Variants in SMARCE1 observed in about 807,000 individuals in gnomAD.
The protein encoded by SMARCE1 is SWI/SNF related BAF chromatin remodeling complex subunit E1, also known as SWI/SNF-related matrix-associated actin-dependent regulator of chromatin subfamily E member 1.
Under a neutral mutation model 54.9 loss-of-function variants are expected in SMARCE1, and 13 were observed. That is an observed-to-expected ratio of 0.24 (90% confidence interval 0.15 to 0.38). The LOEUF (loss-of-function observed/expected upper bound fraction) is 0.38, where lower values mean the gene tolerates loss of function less well. Among genes scored for constraint, SMARCE1 ranks in the 10% least tolerant of loss-of-function variants. The pLI is 1.00. For missense variants in SMARCE1, 295 were observed against 523.8 expected (o/e 0.56, Z 4.26); for synonymous variants, 151 against 175.3 (o/e 0.86, Z 1.10).
Position 40,642,701 on chromosome 17 carries a change from T to G in SMARCE1, c.52-142A>C, listed in dbSNP as rs1397018703. The G allele has an allele frequency of 5.1e-6, 3 of 587,034 alleles. No homozygotes were observed. The highest frequency in any genetic ancestry group is 9.0e-6 in the Non-Finnish European group (3 of 333,486). 36.4% of individuals were successfully genotyped at this position (587,034 alleles called of 1,614,324 possible). ...AATGATGTGTTGTAATTGTTCTTTT[T>G]TTCCACTGAGGAAATTAAATATTTT... On this transcript the variant is annotated intron_variant, in intron 3 of 10. Coordinates refer to ENST00000348513, the MANE Select transcript of SMARCE1 (RefSeq NM_003079.5). The surrounding 1 kb of genome is among the most constrained non-coding windows in gnomAD (Gnocchi z 4.6).
Position 40,628,979 on chromosome 17 carries a change from C to T in SMARCE1, c.1042G>A (p.Glu348Lys), listed in dbSNP as rs754993965. Residue 348 changes from glutamate to lysine, a missense_variant, in exon 11 of 11, where the codon GAA becomes AAA. Around this residue, in one of 5 missense-constraint regions of SMARCE1, gnomAD observed 147 missense variants for 161.4 expected, o/e 0.91. Transcript: ENST00000348513. ...TTCTGTTGGCTCTCTGTTGTTTCTT[C>T]AAGGTGTGTCTCCTCTGTAATCACA... ...IPMETEETHL[E>K]ETTESQQNGE... 2.4e-5 allele frequency: 38 copies of T among 1,613,526 alleles called. No homozygotes were observed. Among genetic ancestry groups the T allele is most frequent in the Non-Finnish European group, 3.1e-5 (36 of 1,179,670 alleles).
At chr17:40,639,605 T>A (rs879532843) in intron 4 of SMARCE1, among the ~76,000 whole-genome samples, 10 of 152,150 alleles carry the variant, frequency 6.6e-5, no homozygotes, top group Non-Finnish European at 1.2e-4. Flanking sequence ...ATCTGTATAT[T>A]GAGACCAGTC....
chr17:40,630,842 T>C lies in SMARCE1; in HGVS notation c.899A>G (p.Gln300Arg), dbSNP rs766568737. ...AQAEEQARKR[Q>R]EEREKEAAEQ... Reference sequence around the variant, plus strand: ...TGCGGCCTCCTTCTCCCTTTCCTCCTGCCTTTTGCGGGCCTGTTCCTCTGC... The same window carrying C: ...TGCGGCCTCCTTCTCCCTTTCCTCCCGCCTTTTGCGGGCCTGTTCCTCTGC... Residue 300 changes from glutamine to arginine, a missense_variant, in exon 10 of 11, where the codon CAG (glutamine) becomes CGG (arginine). Around this residue, in one of 5 missense-constraint regions of SMARCE1, gnomAD observed 147 missense variants for 161.4 expected, o/e 0.91. Coordinates refer to ENST00000348513, the MANE Select transcript of SMARCE1 (RefSeq NM_003079.5). 1 of 1,614,096 alleles carries C rather than the reference T, an allele frequency of 6.2e-7. No homozygotes were observed. The highest frequency in any genetic ancestry group is 1.1e-5 in the South Asian group (1 of 91,086).
chr17:40,630,847 T>C lies in SMARCE1; in HGVS notation c.894A>G (p.Lys298=), dbSNP rs759780963. 114 of 1,613,950 alleles carry C rather than the reference T, an allele frequency of 7.1e-5. 1 individual carries two copies. The South Asian group carries it at 1.2e-3, about 17-fold the overall frequency. The change falls in exon 10 of 11, where the codon AAA becomes AAG. Residue 298 remains lysine (K), a synonymous_variant. Transcript: ENST00000348513. ...CCTCCTTCTCCCTTTCCTCCTGCCT[T>C]TTGCGGGCCTGTTCCTCTGCCTGTG... ...EIAQAEEQAR[K]RQEEREKEAA...
In SMARCE1 at chr17:40,630,085, T is replaced by C. The variant is rs935175166; in HGVS notation, c.1027+629A>G. ...TTTTAGCTTAGTCCTGTTTACACAG[T>C]GTACTAGGCAGTGTTAAAACAGTGC... On this transcript the variant is annotated intron_variant, in intron 10 of 10. Coordinates refer to ENST00000348513, the MANE Select transcript of SMARCE1 (RefSeq NM_003079.5). The C allele has an allele frequency of 1.9e-4, 114 of 594,904 alleles. 1 individual carries two copies. In the African/African-American group the frequency reaches 2.0e-3, roughly 10 times the overall value. The allele number at this position is 594,904 out of a possible 1,614,324, so 36.9% of individuals were successfully genotyped here. A position where few individuals can be genotyped will look rare whatever the true frequency, so the allele number is the denominator to read the frequency against.
At chr17:40,631,339 A>T (rs929070313) in intron 9 of SMARCE1, 1 of 373,866 alleles carries the variant, frequency 2.7e-6, no homozygotes, top group Non-Finnish European at 4.8e-6. Context: ...ATGGGAGTTT[A>T]ACATATCAGA....
chr17:40,631,804 T>A, intron 8 of SMARCE1, 111 bp from the exon 9 acceptor site: 1 of 641,930 alleles, frequency 1.6e-6, no homozygotes. Flanking sequence ...CACATGAGTC[T>A]AGCTAAGATT....
At chr17:40,633,554 GA>G (rs1342003525) in intron 7 of SMARCE1, 2 of 152,150 alleles carry the variant, frequency 1.3e-5, no homozygotes, top group African/African-American at 2.4e-5. Flanking sequence ...CCACACTTAA[GA>G]AAACCTTGTT....
Position 40,630,892 on chromosome 17 carries a change from C to T in SMARCE1, c.849G>A (p.Glu283=). 1 of 1,613,598 alleles carries T rather than the reference C, an allele frequency of 6.2e-7. No individual in the cohort carries two copies. Among genetic ancestry groups the T allele is most frequent in the South Asian group, 1.1e-5 (1 of 91,082 alleles). The change falls in exon 10 of 11, where the codon GAG becomes GAA. Residue 283 remains glutamate, a synonymous_variant. Transcript: ENST00000348513. ...CCTGTGCAATCTCAGCTGCAATTTT[C>T]TCCATATCCACTTCTACTTTCAGAC... ...LCGLKVEVDM[E]KIAAEIAQAE...
At chr17:40,632,118 G>T (rs755838556) in intron 8 of SMARCE1, 77 bp downstream of exon 8, 64 of 1,117,592 alleles carry the variant, frequency 5.7e-5, no homozygotes, top group Non-Finnish European at 8.2e-5. Flanking sequence ...GTAGATTTAG[G>T]CATGGTGTAG....
intron 4 of SMARCE1, among the ~76,000 whole-genome samples, chr17:40,637,996 A>T (rs2037162356): frequency 6.6e-6 from 1 of 152,166 alleles, no homozygotes; most frequent in African/African-American, 2.4e-5. Context: ...CACACTGTCT[A>T]CAGGGGCCTT....
chr17:40,625,798 T>G lies in SMARCE1; in HGVS notation c.*2987A>C, dbSNP rs531193149. On this transcript the variant is annotated 3_prime_UTR_variant, in exon 11 of 11. Coordinates refer to ENST00000348513, the MANE Select transcript of SMARCE1 (RefSeq NM_003079.5). Reference sequence around the variant, plus strand: ...TAGGGCATTGACATTATTGTGTTAATGTGAAATAGCTATTTACCTCTCCAA... The same window carrying G: ...TAGGGCATTGACATTATTGTGTTAAGGTGAAATAGCTATTTACCTCTCCAA... 4 of 152,350 alleles carry G rather than the reference T, an allele frequency of 2.6e-5. No homozygotes were observed. The highest frequency in any genetic ancestry group is 7.2e-5 in the African/African-American group (3 of 41,588). 9.4% of individuals were successfully genotyped at this position (152,350 alleles called of 1,614,324 possible).
intron 7 of SMARCE1, chr17:40,635,449 T>C (rs1335958818): frequency 6.6e-6 from 1 of 152,488 alleles, no homozygotes; most frequent in Non-Finnish European, 1.5e-5. Context: ...TATACCCTCA[T>C]GTACACCCAT....
At position 40,642,311 on chromosome 17, in the gene SMARCE1, A is replaced by G. The variant is rs2037207137; in HGVS notation, c.156+144T>C. The G allele has an allele frequency of 1.4e-6, 1 of 704,360 alleles. No individual in the cohort carries two copies. The highest frequency in any genetic ancestry group is 2.6e-6 in the Non-Finnish European group (1 of 384,884). The allele number at this position is 704,360 out of a possible 1,614,324, so 43.6% of individuals were successfully genotyped here. A position where few individuals can be genotyped will look rare whatever the true frequency, so the allele number is the denominator to read the frequency against. On this transcript the variant is annotated intron_variant, in intron 4 of 10. Transcript: ENST00000348513. This position sits in a 1 kb window ranked among gnomAD's most constrained non-coding sequence, Gnocchi z 4.6. The stretch of plus-strand genomic sequence containing the variant: ...TTATTTTTTCAGTGTGAGATGCTAC[A>G]ACGAATGTTGAAAATACTCAAAAAG...
At chr17:40,646,321 T>C (rs2037256242) in intron 1 of SMARCE1, among the ~76,000 whole-genome samples, 1 of 152,220 alleles carries the variant, frequency 6.6e-6, no homozygotes, top group Non-Finnish European at 1.5e-5. Flanking sequence ...CAAAAGGTAA[T>C]TGGTATGACA....
intron 9 of SMARCE1, chr17:40,631,322 T>A (rs1389272633): frequency 5.8e-6 from 2 of 343,286 alleles, no homozygotes; most frequent in Non-Finnish European, 1.0e-5. Flanking sequence ...AAGTAATTAA[T>A]GACTGTATGG....
intron 9 of SMARCE1, chr17:40,631,263 T>C (rs1480444517): frequency 3.0e-6 from 1 of 333,408 alleles, no homozygotes. Context: ...GTGCAAATTA[T>C]AAATTACATT....
intron 7 of SMARCE1, chr17:40,633,019 T>C (rs2143989870): frequency 6.6e-6 from 1 of 152,316 alleles, no homozygotes; most frequent in East Asian, 1.9e-4. Flanking sequence ...ATGCTTCTGT[T>C]TCGTTTTGAG....
In SMARCE1 at chr17:40,631,875, T is replaced by C. The variant is rs181838420; in HGVS notation, c.715-182A>G. On this transcript the variant is annotated intron_variant, in intron 8 of 10. Coordinates refer to ENST00000348513, the MANE Select transcript of SMARCE1 (RefSeq NM_003079.5). ...TGATCAATAGGTAAATGTTAAAGAA[T>C]ACTGTTTCAGGCCTGAGCAATTCCT... 8.7e-6 allele frequency: 5 copies of C among 576,138 alleles called. No individual in the cohort carries two copies. In the Admixed American group the frequency reaches 9.4e-5, roughly 11 times the overall value. 35.7% of individuals were successfully genotyped at this position (576,138 alleles called of 1,614,324 possible).
Sources: allele counts gnomAD v4.1 joint callset (sites outside exome capture counted in the v4.1 genomes callset), GRCh38; gene constraint gnomAD v4.1.1; regional missense constraint gnomAD v4.1.1; non-coding constraint Gnocchi (gnomAD v3.1); transcripts MANE v1.5; gene names NCBI Gene and HGNC (gene_info 2026-07-23, HGNC 2026-07-21).